The following SPICE1 variants were observed in gnomAD, a reference collection of about 807,000 sequenced individuals.
SPICE1 encodes spindle and centriole associated protein 1.
Under a neutral mutation model 102.7 loss-of-function variants are expected in SPICE1, and 75 were observed. The observed-to-expected ratio is 0.73, with a 90% CI of 0.61 to 0.88. SPICE1 has a LOEUF of 0.88. Ranked by LOEUF, SPICE1 falls within the 40% of genes least tolerant of loss-of-function variation. The pLI is 0.00. For synonymous variants in SPICE1, 308 were observed against 350.3 expected (o/e 0.88, Z 1.35); for missense variants, 979 against 1,020.1 (o/e 0.96, Z 0.55).
intron 12 of SPICE1, among the ~76,000 whole-genome samples, chr3:113,458,157 C>T (rs1233400942): frequency 6.7e-6 from 1 of 148,556 alleles, no homozygotes; most frequent in African/African-American, 2.5e-5. Flanking sequence ...AACAATAATT[C>T]TGGCTCCCTC....
At chr3:113,500,435 T>G (rs187909373) in intron 3 of SPICE1, among the ~76,000 whole-genome samples, 6 of 152,190 alleles carry the variant, frequency 3.9e-5, no homozygotes, top group African/African-American at 4.8e-5. Flanking sequence ...CTGAGGAGAT[T>G]TGAATATGGG....
intron 12 of SPICE1, among the ~76,000 whole-genome samples, chr3:113,458,797 G>A (rs2107453094): frequency 6.6e-6 from 1 of 151,328 alleles, no homozygotes; most frequent in Admixed American, 6.6e-5. Flanking sequence ...CCATCGTCTG[G>A]GATGTGGGGA....
At chr3:113,476,576 C>A (rs1033456214) in intron 7 of SPICE1, among the ~76,000 whole-genome samples, 1 of 142,394 alleles carries the variant, frequency 7.0e-6, no homozygotes, top group Non-Finnish European at 1.5e-5. Context: ...GTTACTGGTA[C>A]CAAAACAGAG....
intron 6 of SPICE1, among the ~76,000 whole-genome samples, chr3:113,489,847 C>CAA (rs35823502): frequency 0.043 from 3,447 of 79,804 alleles, 114 homozygotes; most frequent in African/African-American, 0.083. Context: ...GACCCTGTCT[C>CAA]AAAAAAAAAA....
At chr3:113,466,974 G>A (rs571652323) in intron 10 of SPICE1, among the ~76,000 whole-genome samples, 20 of 151,606 alleles carry the variant, frequency 1.3e-4, no homozygotes, top group African/African-American at 3.6e-4. Context: ...ACTTAAACCC[G>A]GGAGGTGGAG....
intron 7 of SPICE1, among the ~76,000 whole-genome samples, chr3:113,472,813 AG>A (rs1315469805): frequency 1.3e-5 from 2 of 152,212 alleles, no homozygotes; most frequent in African/African-American, 4.8e-5. Flanking sequence ...GACCAAAAGT[AG>A]CTAAAACCAC....
Position 113,453,659 on chromosome 3 carries a change from A to G in SPICE1, c.1949T>C (p.Leu650Pro). Residue 650 changes from leucine (L) to proline (P), a missense_variant, in exon 14 of 18, where the codon CTG (leucine) becomes CCG (proline). Coordinates refer to ENST00000295872, the MANE Select transcript of SPICE1 (RefSeq NM_144718.4). The part of the protein sequence containing the change: ...SPTFSEELPV[L>P]GDGQQLRTNE... Reference sequence around the variant, plus strand: ...TGTTCTCAGCTGCTGCCCATCTCCCAGTACTGGGAGCTCTTCTGAGAATGT... The same window carrying G: ...TGTTCTCAGCTGCTGCCCATCTCCCGGTACTGGGAGCTCTTCTGAGAATGT... The G allele has an allele frequency of 6.2e-7, 1 of 1,614,010 alleles. No homozygotes were observed. The highest frequency in any genetic ancestry group is 1.1e-5 in the South Asian group (1 of 91,080).
chr3:113,447,311 AC>A (rs1935541516), intron 16 of SPICE1, among the ~76,000 whole-genome samples: 1 of 152,002 alleles, frequency 6.6e-6, no homozygotes, highest in African/African-American at 2.4e-5. Flanking sequence ...CCCACCTCCA[AC>A]ACACACACAG....
intron 7 of SPICE1, among the ~76,000 whole-genome samples, chr3:113,470,237 A>G (rs1217560128): frequency 1.3e-5 from 2 of 152,224 alleles, no homozygotes; most frequent in Non-Finnish European, 2.9e-5. Flanking sequence ...CCAGGACTTG[A>G]TGTTTTGAGA....
chr3:113,443,744 G>A lies in SPICE1; in HGVS notation c.*1563C>T, dbSNP rs1306248159. 6.6e-6 allele frequency: 1 copy of A among 152,162 alleles called. No individual in the cohort carries two copies. The highest frequency in any genetic ancestry group is 6.5e-5 in the Admixed American group (1 of 15,276). 9.4% of individuals were successfully genotyped at this position (152,162 alleles called of 1,614,324 possible). Reference sequence around the variant, plus strand: ...TCTAATGCCACCACTCCCTAGTTGTGTGACCTTGAGAAAATACCTCCTTGT... The same window carrying A: ...TCTAATGCCACCACTCCCTAGTTGTATGACCTTGAGAAAATACCTCCTTGT... On this transcript the variant is annotated 3_prime_UTR_variant, in exon 18 of 18. Transcript: ENST00000295872.
chr3:113,447,150 C>A (rs942078361), intron 16 of SPICE1, among the ~76,000 whole-genome samples: 1 of 152,110 alleles, frequency 6.6e-6, no homozygotes, highest in African/African-American at 2.4e-5. Context: ...AACTGTAAGT[C>A]CAATTCAACC....
At chr3:113,510,173 A>G (rs530848765) in intron 1 of SPICE1, among the ~76,000 whole-genome samples, 87 of 152,344 alleles carry the variant, frequency 5.7e-4, no homozygotes, top group African/African-American at 1.8e-3. Context: ...GAATCAATAC[A>G]GTGAAAATAG....
At chr3:113,506,412 C>G in intron 2 of SPICE1, 95 bp downstream of exon 2, 1 of 967,848 alleles carries the variant, frequency 1.0e-6, no homozygotes, top group Non-Finnish European at 1.6e-6. Context: ...GTGATGAGCC[C>G]CATTCAGAAC....
chr3:113,477,980 TA>T (rs1350834187), intron 7 of SPICE1, among the ~76,000 whole-genome samples: 5 of 148,304 alleles, frequency 3.4e-5, no homozygotes, highest in African/African-American at 5.0e-5. Flanking sequence ...AAAAAAGCAT[TA>T]AAAAAAAATT....
intron 15 of SPICE1, chr3:113,449,896 C>A: frequency 6.4e-6 from 1 of 156,468 alleles, no homozygotes; most frequent in Non-Finnish European, 1.4e-5. Context: ...ATTCAGAATC[C>A]CCTCTAGCTT....
At position 113,495,764 on chromosome 3, in the gene SPICE1, A is replaced by G. The variant is rs79588522; in HGVS notation, c.292-1622T>C. Among the ~76,000 whole-genome samples the G allele has an allele frequency of 8.4e-3, 1,280 of 152,356 alleles. 16 individuals are homozygous for G. Among genetic ancestry groups the G allele is most frequent in the African/African-American group, 0.021 (863 of 41,580 alleles). On this transcript the variant is annotated intron_variant, in intron 4 of 17. Coordinates refer to ENST00000295872, the MANE Select transcript of SPICE1 (RefSeq NM_144718.4). ...TGTGAATGAATGAGTATAATCTTTC[A>G]CTATACCAGAAAAATTACACAAAGC...
chr3:113,511,592 C>G lies in SPICE1; in HGVS notation c.-1+3305G>C, dbSNP rs554790742. Among the ~76,000 whole-genome samples, 17 of 152,208 alleles carry G rather than the reference C, an allele frequency of 1.1e-4. No homozygotes were observed. The East Asian group carries it at 3.3e-3, about 29-fold the overall frequency. ...CATGGACACAGGGAGGGGAGCAACA[C>G]ACACTGGGGCCTGTCAGATGGCAGG... On this transcript the variant is annotated intron_variant, in intron 1 of 17. Coordinates refer to ENST00000295872, the MANE Select transcript of SPICE1 (RefSeq NM_144718.4).
chr3:113,455,196 A>G (rs566950394), intron 13 of SPICE1, among the ~76,000 whole-genome samples: 58 of 152,316 alleles, frequency 3.8e-4, no homozygotes, highest in African/African-American at 1.3e-3. Flanking sequence ...AACCATATAC[A>G]AATATGAATT....
chr3:113,494,491 C>CA (rs1334310586), intron 4 of SPICE1, among the ~76,000 whole-genome samples: 2 of 151,586 alleles, frequency 1.3e-5, no homozygotes, highest in African/African-American at 4.8e-5. Flanking sequence ...ACTAAAAATA[C>CA]AAAAAATTAG....
Sources: allele counts gnomAD v4.1 joint callset (sites outside exome capture counted in the v4.1 genomes callset), GRCh38; gene constraint gnomAD v4.1.1; transcripts MANE v1.5; gene names NCBI Gene and HGNC (gene_info 2026-07-23, HGNC 2026-07-21).